The following GRID2 variants were observed in gnomAD, a reference collection of about 807,000 sequenced individuals.
GRID2 encodes the protein glutamate receptor ionotropic, delta-2.
GRID2 carries 33 observed loss-of-function variants against 114.8 expected under a neutral mutation model. That is an observed-to-expected ratio of 0.29 (90% CI 0.22 to 0.38). The LOEUF (loss-of-function observed/expected upper bound fraction) is 0.38, where lower values mean the gene tolerates loss of function less well. Ranked by LOEUF, GRID2 falls within the 10% of genes least tolerant of loss-of-function variation. GRID2 has a pLI of 1.00. For synonymous variants in GRID2, 505 were observed against 449.9 expected, an observed-to-expected ratio of 1.12 and a Z score of -1.55; for missense variants, 1,184 against 1,257.7, an observed-to-expected ratio of 0.94 and a Z score of 0.89.
intron 2 of GRID2, among the ~76,000 whole-genome samples, chr4:92,590,878 A>G (rs541842157): frequency 1.2e-4 from 18 of 152,286 alleles, no homozygotes; most frequent in African/African-American, 3.8e-4. Flanking sequence ...GCAAATACCA[A>G]TTATTTTTAA....
rs1734208317 is a variant in GRID2, at chr4:93,772,713, T to C, written c.*215T>C. ...TTCCTGTACATTTTCCTCCACTTTT[T>C]TTCATTACTCAACTTGTTCCCCAAG... On this transcript the variant is annotated 3_prime_UTR_variant, in exon 16 of 16. Coordinates refer to ENST00000282020, the MANE Select transcript of GRID2 (RefSeq NM_001510.4). 2 of 521,498 alleles carry C rather than the reference T, an allele frequency of 3.8e-6. No individual in the cohort carries two copies. The highest frequency in any genetic ancestry group is 3.0e-5 in the East Asian group (1 of 33,140). 32.3% of individuals were successfully genotyped at this position (521,498 alleles called of 1,614,324 possible). A position where few individuals can be genotyped will look rare whatever the true frequency, so the allele number is the denominator to read the frequency against.
chr4:93,616,354 T>C (rs1741640706), intron 13 of GRID2, among the ~76,000 whole-genome samples: 1 of 151,760 alleles, frequency 6.6e-6, no homozygotes, highest in Non-Finnish European at 1.5e-5. Context: ...GACCCGCCTG[T>C]CCAACATTGC....
At chr4:93,469,944 T>C (rs1195953419) in intron 11 of GRID2, among the ~76,000 whole-genome samples, 3 of 152,050 alleles carry the variant, frequency 2.0e-5, no homozygotes, top group Non-Finnish European at 4.4e-5. Context: ...GTCCTCCAAA[T>C]ACAGAAAAAG....
chr4:93,123,180 A>G (rs1733954478), intron 4 of GRID2, among the ~76,000 whole-genome samples: 1 of 152,024 alleles, frequency 6.6e-6, no homozygotes, highest in Non-Finnish European at 1.5e-5. Flanking sequence ...GTTTGCTACT[A>G]ACTTCTCCTA....
intron 2 of GRID2, among the ~76,000 whole-genome samples, chr4:93,033,234 T>C (rs1724600183): frequency 6.6e-6 from 1 of 152,132 alleles, no homozygotes; most frequent in African/African-American, 2.4e-5. Context: ...ATCCCAAAAC[T>C]ACCCTCATGT....
At chr4:93,114,186 G>A (rs762892517) in intron 4 of GRID2, among the ~76,000 whole-genome samples, 12 of 152,212 alleles carry the variant, frequency 7.9e-5, no homozygotes, top group Non-Finnish European at 7.4e-5. Context: ...TAGAATTCAT[G>A]AAGCTCTGCC....
chr4:93,004,264 A>T (rs956612133), intron 2 of GRID2, among the ~76,000 whole-genome samples: 3 of 151,550 alleles, frequency 2.0e-5, no homozygotes, highest in African/African-American at 7.3e-5. Context: ...TCTAATGACC[A>T]TTATCTCAAG....
chr4:92,384,433 AATATATATATATATATATATATAT>A (rs372161362), intron 1 of GRID2, among the ~76,000 whole-genome samples: 778 of 30,272 alleles, frequency 0.026, 51 homozygotes, highest in Middle Eastern at 0.05. Context: ...TGTGTGTAGG[AATATATATATATATATATATATAT>A]ATATATATAT....
intron 2 of GRID2, among the ~76,000 whole-genome samples, chr4:92,784,809 T>G (rs1249204229): frequency 6.6e-6 from 1 of 151,896 alleles, no homozygotes; most frequent in Admixed American, 6.6e-5. Flanking sequence ...CATGTGAAAG[T>G]AATTTTCTCA....
At chr4:93,316,240 C>T (rs1756572024) in intron 8 of GRID2, among the ~76,000 whole-genome samples, 1 of 135,200 alleles carries the variant, frequency 7.4e-6, no homozygotes, top group African/African-American at 2.7e-5. Context: ...TGCATTTCAA[C>T]AAGGCAAGAA....
At chr4:92,919,161 G>C (rs1749083057) in intron 2 of GRID2, among the ~76,000 whole-genome samples, 1 of 152,094 alleles carries the variant, frequency 6.6e-6, no homozygotes, top group Non-Finnish European at 1.5e-5. Flanking sequence ...ACTATTCTCT[G>C]ATGGTGGTTT....
rs565002919 is a variant in GRID2 at position 93,589,343 on chromosome 4, G to A, written c.2194-36926G>A. Among the ~76,000 whole-genome samples, 713 of 151,360 alleles carry A rather than the reference G, an allele frequency of 4.7e-3. 5 individuals are homozygous for A. Among genetic ancestry groups the A allele is most frequent in the African/African-American group, 0.017 (686 of 41,208 alleles). Reference sequence around the variant, plus strand: ...TTGCGATAGTTTACTGAGAATGATGGTTTCCAATTTCATCCATGTCCCTAC... The same window carrying A: ...TTGCGATAGTTTACTGAGAATGATGATTTCCAATTTCATCCATGTCCCTAC... On this transcript the variant is annotated intron_variant, in intron 13 of 15. Transcript: ENST00000282020.
intron 2 of GRID2, among the ~76,000 whole-genome samples, chr4:92,913,387 C>T (rs769024825): frequency 1.3e-5 from 2 of 151,774 alleles, no homozygotes; most frequent in African/African-American, 2.4e-5. Context: ...ATTATTGTTA[C>T]GTTTTTGTCT....
At chr4:92,812,356 T>C (rs952346646) in intron 2 of GRID2, among the ~76,000 whole-genome samples, 3 of 151,856 alleles carry the variant, frequency 2.0e-5, no homozygotes, top group Middle Eastern at 3.4e-3. Context: ...TAAAAAAGAG[T>C]GAAACAGATT....
At chr4:93,724,698 G>C (rs1480961047) in intron 14 of GRID2, among the ~76,000 whole-genome samples, 2 of 152,090 alleles carry the variant, frequency 1.3e-5, no homozygotes, top group Non-Finnish European at 2.9e-5. Flanking sequence ...GGAGAGAAGA[G>C]GAGGGACAGT....
At chr4:92,988,360 G>A (rs540737542) in intron 2 of GRID2, among the ~76,000 whole-genome samples, 3 of 152,230 alleles carry the variant, frequency 2.0e-5, no homozygotes, top group South Asian at 2.1e-4. Flanking sequence ...AGTGTGAATC[G>A]CTCTCTAAGG....
At position 93,551,065 on chromosome 4, in the gene GRID2, A is replaced by G. The variant is rs557137968; in HGVS notation, c.2193+35654A>G. 5.9e-5 allele frequency among the ~76,000 whole-genome samples: 9 copies of G among 152,272 alleles called. No homozygotes were observed. The East Asian group carries it at 9.7e-4, about 16-fold the overall frequency. On this transcript the variant is annotated intron_variant, in intron 13 of 15. Coordinates refer to ENST00000282020, the MANE Select transcript of GRID2 (RefSeq NM_001510.4). ...CTCAGTTTCTTCTATTGCAAATGAG[A>G]TTTTAAGATTTGTTTTAATATCAAG...
chr4:92,789,014 T>C lies in GRID2; in HGVS notation c.244+198728T>C, dbSNP rs542811010. On this transcript the variant is annotated intron_variant, in intron 2 of 15. Coordinates refer to ENST00000282020, the MANE Select transcript of GRID2 (RefSeq NM_001510.4). ...TAATAAATAGTCACAGTTTTTCTTT[T>C]AATTTAAAAATATTTGTATTATTTA... Among the ~76,000 whole-genome samples, 83 of 152,024 alleles carry C rather than the reference T, an allele frequency of 5.5e-4. 2 individuals are homozygous for C. In the South Asian group the frequency reaches 0.016, roughly 30 times the overall value.
intron 2 of GRID2, among the ~76,000 whole-genome samples, chr4:92,922,542 C>T (rs1251799889): frequency 1.3e-5 from 2 of 152,138 alleles, no homozygotes; most frequent in Non-Finnish European, 2.9e-5. Flanking sequence ...AAATGAACTG[C>T]TCTGAACTGG....
Sources: allele counts gnomAD v4.1 joint callset (sites outside exome capture counted in the v4.1 genomes callset), GRCh38; gene constraint gnomAD v4.1.1; transcripts MANE v1.5; gene names NCBI Gene and HGNC (gene_info 2026-07-23, HGNC 2026-07-21).